Variants in ARHGEF26 observed in about 807,000 individuals in gnomAD.
ARHGEF26 encodes Rho guanine nucleotide exchange factor (GEF) 26.
In ARHGEF26, 59 loss-of-function variants were observed where a neutral mutation model predicts 89.4. The ratio of observed to expected loss-of-function variants is 0.66; its 90% confidence interval spans 0.54 to 0.82. The LOEUF is 0.82. Ranked by LOEUF, ARHGEF26 falls within the 40% of genes least tolerant of loss-of-function variation. ARHGEF26 has a pLI of 0.00. For missense variants in ARHGEF26, 1,234 were observed against 1,085.6 expected, an observed-to-expected ratio of 1.14 and a Z score of -1.92; for synonymous variants, 500 against 428.4, an observed-to-expected ratio of 1.17 and a Z score of -2.06.
rs915676124 is a variant in ARHGEF26 at position 154,257,671 on chromosome 3, T to C, written c.*2198T>C. On this transcript the variant is annotated 3_prime_UTR_variant, in exon 15 of 15. Transcript: ENST00000465093. ...TTTCAACTGTGAATTGTCTTAAGTTTTTTCAAACCTAGTTGTTTCTATGGA... is the reference window on the plus strand; with the variant it reads ...TTTCAACTGTGAATTGTCTTAAGTTCTTTCAAACCTAGTTGTTTCTATGGA... 1.6e-4 allele frequency: 24 copies of C among 152,222 alleles called. No individual in the cohort carries two copies. The highest frequency in any genetic ancestry group is 5.5e-4 in the African/African-American group (23 of 41,462). The allele number at this position is 152,222 out of a possible 1,614,324, so 9.4% of individuals were successfully genotyped here.
intron 11 of ARHGEF26, among the ~76,000 whole-genome samples, chr3:154,233,288 G>A (rs1559916645): frequency 6.6e-6 from 1 of 151,946 alleles, no homozygotes. Flanking sequence ...TCAGTCAAGT[G>A]AAAAAAAATT....
At chr3:154,233,431 AAGG>A (rs371731497) in intron 11 of ARHGEF26, among the ~76,000 whole-genome samples, 135 of 152,298 alleles carry the variant, frequency 8.9e-4, no homozygotes, top group African/African-American at 3.2e-3. Flanking sequence ...TGTTTTTTAG[AAGG>A]AGAAGGGAAA....
intron 6 of ARHGEF26, among the ~76,000 whole-genome samples, chr3:154,177,765 A>G (rs1460783334): frequency 6.6e-6 from 1 of 152,198 alleles, no homozygotes; most frequent in Admixed American, 6.5e-5. Context: ...GGGACTTTTC[A>G]TAAGATTCAC....
At chr3:154,193,733 G>A (rs920226555) in intron 8 of ARHGEF26, among the ~76,000 whole-genome samples, 9 of 152,116 alleles carry the variant, frequency 5.9e-5, no homozygotes, top group African/African-American at 1.9e-4. Flanking sequence ...TAAATTTACC[G>A]TGAATTGACC....
chr3:154,201,875 T>C (rs1714665681), intron 9 of ARHGEF26, among the ~76,000 whole-genome samples: 1 of 152,044 alleles, frequency 6.6e-6, no homozygotes, highest in Non-Finnish European at 1.5e-5. Context: ...TGTAAATTTG[T>C]TTGAGTTCAT....
rs149108817 is a variant in ARHGEF26 at position 154,162,786 on chromosome 3, G to T, written c.1487+9854G>T. ...CCCTGAGCTGCCGAGATAGGCTCTG[G>T]CCAGGTGTGACCCTGAACTGGAATA... On this transcript the variant is annotated intron_variant, in intron 6 of 14. Transcript: ENST00000465093. Among the ~76,000 whole-genome samples the T allele has an allele frequency of 1.1e-3, 172 of 152,234 alleles. 3 individuals carry two copies. The highest frequency in any genetic ancestry group is 3.9e-3 in the African/African-American group (161 of 41,544).
intron 6 of ARHGEF26, among the ~76,000 whole-genome samples, chr3:154,163,463 A>G (rs762553056): frequency 7.2e-5 from 11 of 152,182 alleles, no homozygotes; most frequent in Non-Finnish European, 1.3e-4. Context: ...TTTGTTCAAA[A>G]ATACATATAT....
intron 12 of ARHGEF26, among the ~76,000 whole-genome samples, chr3:154,245,611 T>C (rs1264469584): frequency 6.6e-6 from 1 of 152,226 alleles, no homozygotes; most frequent in Non-Finnish European, 1.5e-5. Context: ...CACTGCAGTC[T>C]CATCTTGAGA....
intron 14 of ARHGEF26, 105 bp downstream of exon 14, chr3:154,254,929 A>G (rs1015626239): frequency 5.4e-6 from 5 of 929,998 alleles, no homozygotes; most frequent in Non-Finnish European, 8.4e-6. Flanking sequence ...AAATCTTGAC[A>G]TGTTAATGTT....
intron 5 of ARHGEF26, among the ~76,000 whole-genome samples, chr3:154,150,137 C>T (rs1184122539): frequency 1.1e-4 from 15 of 137,422 alleles, no homozygotes; most frequent in South Asian, 2.3e-4. Context: ...CAAGGATGTC[C>T]TTTTTTTTTT....
intron 9 of ARHGEF26, among the ~76,000 whole-genome samples, chr3:154,216,502 A>ATTTTTT (rs1293834056): frequency 5.3e-3 from 257 of 48,568 alleles, no homozygotes; most frequent in South Asian, 7.0e-3. Context: ...ATTTTTTTTT[A>ATTTTTT]TTTTTTATTT....
chr3:154,182,036 G>GGT (rs1250196042), intron 6 of ARHGEF26, among the ~76,000 whole-genome samples: 4 of 149,312 alleles, frequency 2.7e-5, no homozygotes, highest in South Asian at 2.1e-4. Flanking sequence ...TGGGTGGTTG[G>GGT]GTGTGTGTGT....
intron 9 of ARHGEF26, among the ~76,000 whole-genome samples, chr3:154,203,341 A>T (rs1398018927): frequency 6.6e-6 from 1 of 152,152 alleles, no homozygotes; most frequent in Non-Finnish European, 1.5e-5. Flanking sequence ...CATCCCAGGG[A>T]TGAAGCCCAC....
chr3:154,164,610 A>G (rs1711884524), intron 6 of ARHGEF26, among the ~76,000 whole-genome samples: 1 of 152,146 alleles, frequency 6.6e-6, no homozygotes, highest in Non-Finnish European at 1.5e-5. Flanking sequence ...CTTTGTAACA[A>G]GAAAAACTGT....
chr3:154,141,439 T>G (rs1418803591), intron 4 of ARHGEF26, among the ~76,000 whole-genome samples: 1 of 152,188 alleles, frequency 6.6e-6, no homozygotes, highest in Non-Finnish European at 1.5e-5. Flanking sequence ...CTAACTCTGC[T>G]CCAGTCAGCT....
chr3:154,212,215 C>A (rs960647140), intron 9 of ARHGEF26, among the ~76,000 whole-genome samples: 2 of 151,772 alleles, frequency 1.3e-5, no homozygotes, highest in Non-Finnish European at 2.9e-5. Flanking sequence ...GCTGTGGTTC[C>A]AACTACTTGG....
At chr3:154,166,823 T>G (rs1712072565) in intron 6 of ARHGEF26, among the ~76,000 whole-genome samples, 1 of 152,128 alleles carries the variant, frequency 6.6e-6, no homozygotes, top group South Asian at 2.1e-4. Context: ...GTACATGGTG[T>G]AAAATTCAAA....
At chr3:154,232,861 G>A (rs1267008895) in intron 11 of ARHGEF26, among the ~76,000 whole-genome samples, 1 of 150,354 alleles carries the variant, frequency 6.7e-6, no homozygotes, top group East Asian at 2.0e-4. Context: ...TTTTTGAGAC[G>A]GAGTCACCCA....
At chr3:154,251,424 T>G (rs549058722) in intron 12 of ARHGEF26, among the ~76,000 whole-genome samples, 5 of 152,306 alleles carry the variant, frequency 3.3e-5, no homozygotes. Context: ...AGTAAATGAT[T>G]GGGCTCAATA....
Sources: gnomAD v4.1 joint callset for allele counts (sites outside exome capture counted in the v4.1 genomes callset) on GRCh38, gnomAD v4.1.1 for gene constraint, MANE v1.5 for transcripts, NCBI Gene and HGNC (gene_info 2026-07-23, HGNC 2026-07-21) for gene names.